WDR47: variants seen among roughly 807,000 people sequenced by gnomAD.
The protein encoded by WDR47 is WD repeat-containing protein 47.
A neutral mutation model predicts 97.2 loss-of-function variants in WDR47; 32 were observed. The observed-to-expected ratio is 0.33, with a 90% confidence interval of 0.25 to 0.44. The LOEUF is 0.44. Ranked by LOEUF, WDR47 falls within the 20% of genes least tolerant of loss-of-function variation. The probability of loss-of-function intolerance (pLI) is 1.00; values close to 1 mark genes in which losing one functional copy is unlikely to be tolerated. For missense variants in WDR47, 782 were observed against 1,102.3 expected (o/e 0.71, Z 4.11); for synonymous variants, 375 against 373.5 (o/e 1.00, Z -0.05).
chr1:108,982,712 T>G lies in WDR47; in HGVS notation c.2163A>C (p.Glu721Asp), dbSNP rs1291715056. 6.2e-7 allele frequency: 1 copy of G among 1,614,158 alleles called. No individual in the cohort carries two copies. The highest frequency in any genetic ancestry group is 8.5e-7 in the Non-Finnish European group (1 of 1,180,032). ...CACTTATTAAAATAGCTCCTCCGCT[T>G]TCTGGGCCTTCCATAAATGCCAAGT... is the stretch of plus-strand genomic sequence containing the variant. ...IRDLAFMEGP[E>D]SGGAILISAG... Residue 721 changes from glutamate to aspartate, a missense_variant, in exon 12 of 15, where the codon GAA becomes GAC. Physicochemically the swap from Glu to Asp is conservative, Grantham distance 45 (BLOSUM62 2). This residue lies in a region of WDR47 where 228 missense variants were observed against 396.7 expected (regional missense o/e 0.57). Coordinates refer to ENST00000369962, the MANE Select transcript of WDR47 (RefSeq NM_001142551.2).
In WDR47 at chr1:109,041,921, C is replaced by G. The variant is rs888995839; in HGVS notation, c.-69G>C. 1 of 152,666 alleles carries G rather than the reference C, an allele frequency of 6.6e-6. No homozygotes were observed. The highest frequency in any genetic ancestry group is 1.9e-4 in the East Asian group (1 of 5,194). 9.5% of individuals were successfully genotyped at this position (152,666 alleles called of 1,614,324 possible). On this transcript the variant is annotated 5_prime_UTR_variant, in exon 1 of 15. Transcript: ENST00000369962. Reference sequence around the variant, plus strand: ...GAGGAGAACGCGGCTGGGAGGCCGGCGGCCAGGGCCCCGAAGCGGCCGGCT... The same window carrying G: ...GAGGAGAACGCGGCTGGGAGGCCGGGGGCCAGGGCCCCGAAGCGGCCGGCT...
intron 9 of WDR47, among the ~76,000 whole-genome samples, chr1:108,990,812 G>A (rs1016183184): frequency 2.6e-5 from 4 of 151,966 alleles, no homozygotes; most frequent in Non-Finnish European, 5.9e-5. Context: ...TAACCATAGG[G>A]TTCAGAGAAT....
intron 7 of WDR47, among the ~76,000 whole-genome samples, chr1:109,000,660 G>A (rs536328654): frequency 3.9e-5 from 6 of 151,982 alleles, no homozygotes; most frequent in Middle Eastern, 3.4e-3. Flanking sequence ...CAGCCTGGGC[G>A]ACAGAGTGAG....
intron 6 of WDR47, among the ~76,000 whole-genome samples, chr1:109,002,638 C>T (rs1199469868): frequency 6.6e-6 from 1 of 152,130 alleles, no homozygotes; most frequent in Non-Finnish European, 1.5e-5. Flanking sequence ...CCTTGGTTCC[C>T]TGACTAACCC....
intron 1 of WDR47, among the ~76,000 whole-genome samples, chr1:109,035,915 TC>T (rs1310482995): frequency 2.8e-4 from 43 of 151,974 alleles, no homozygotes; most frequent in South Asian, 8.3e-4. Context: ...AGCCTCAAAC[TC>T]CTGCGCTCAA....
Position 109,023,762 on chromosome 1 carries a change from T to A in WDR47, c.-9-241A>T, listed in dbSNP as rs1343191890. On this transcript the variant is annotated intron_variant, in intron 1 of 14. Transcript: ENST00000369962. Reference sequence around the variant, plus strand: ...TGGAATAATTACAGATTAAATGATATAAACTTTGTGATTTACATGAAAATA... The same window carrying A: ...TGGAATAATTACAGATTAAATGATAAAAACTTTGTGATTTACATGAAAATA... 3.9e-5 allele frequency among the ~76,000 whole-genome samples: 6 copies of A among 152,172 alleles called. No homozygotes were observed. The East Asian group carries it at 1.2e-3, about 29-fold the overall frequency.
At chr1:109,034,110 G>A (rs937795660) in intron 1 of WDR47, among the ~76,000 whole-genome samples, 4 of 151,720 alleles carry the variant, frequency 2.6e-5, no homozygotes, top group African/African-American at 9.7e-5. Context: ...CCAACATGGT[G>A]AAACCCCATC....
intron 10 of WDR47, 129 bp downstream of exon 10, chr1:108,986,394 A>C: frequency 1.3e-6 from 1 of 788,724 alleles, no homozygotes; most frequent in East Asian, 2.9e-5. Context: ...TTATAACAGA[A>C]AATAAAGTTT....
intron 4 of WDR47, among the ~76,000 whole-genome samples, chr1:109,013,105 A>G (rs1661167023): frequency 6.6e-6 from 1 of 152,186 alleles, no homozygotes; most frequent in Non-Finnish European, 1.5e-5. Context: ...CCAGAGAGCT[A>G]GCTAGCCTCT....
At chr1:109,003,707 G>A (rs1431980155) in intron 6 of WDR47, among the ~76,000 whole-genome samples, 2 of 152,116 alleles carry the variant, frequency 1.3e-5, no homozygotes, top group Non-Finnish European at 2.9e-5. Flanking sequence ...GTTTCACCAT[G>A]TTGCCTAGGC....
Position 109,017,527 on chromosome 1 carries a change from T to A in WDR47, c.233A>T (p.Asp78Val). The A allele has an allele frequency of 6.2e-7, 1 of 1,612,470 alleles. No individual in the cohort carries two copies. Among genetic ancestry groups the A allele is most frequent in the South Asian group, 1.1e-5 (1 of 90,708 alleles). ...TTAGATAAAATCTTACCTTTTTTTG[T>A]CAAATTTTTCCATACATTCTAGAGG... ...IQPLECMEKF[D>V]KKRFRYIILK... The change falls in exon 3 of 15, where the codon GAC becomes GTC. Residue 78 changes from aspartate to valine, a missense_variant. By Grantham distance (152) the Asp-to-Val change is radical. Transcript: ENST00000369962.
At chr1:108,995,450 G>T in intron 8 of WDR47, 130 bp downstream of exon 8, 1 of 1,053,482 alleles carries the variant, frequency 9.5e-7, no homozygotes, top group Non-Finnish European at 1.4e-6. Context: ...AATGAAGGCA[G>T]ATTAGGAAAA....
intron 3 of WDR47, among the ~76,000 whole-genome samples, chr1:109,016,761 T>C (rs1661448162): frequency 6.6e-6 from 1 of 151,716 alleles, no homozygotes; most frequent in Non-Finnish European, 1.5e-5. Flanking sequence ...AATGTGCAGA[T>C]TACATTTACA....
intron 11 of WDR47, 105 bp downstream of exon 11, chr1:108,983,177 G>A: frequency 1.7e-6 from 2 of 1,147,580 alleles, no homozygotes; most frequent in Admixed American, 3.5e-5. Flanking sequence ...TATTCTTTAA[G>A]ATTATATTCT....
chr1:108,987,613 AC>A (rs1191938886), intron 9 of WDR47, among the ~76,000 whole-genome samples: 1 of 151,886 alleles, frequency 6.6e-6, no homozygotes, highest in African/African-American at 2.4e-5. Flanking sequence ...GATTACAGGT[AC>A]CCACCACCAT....
Position 108,971,584 on chromosome 1 carries a change from AAG to A in WDR47, c.2618-14_2618-13del, listed in dbSNP as rs776380955. 7 of 1,614,058 alleles carry A rather than the reference AAG, an allele frequency of 4.3e-6. No homozygotes were observed. The highest frequency in any genetic ancestry group is 2.2e-5 in the East Asian group (1 of 44,880). On this transcript the variant is annotated splice_polypyrimidine_tract_variant and intron_variant, in intron 14 of 14. Transcript: ENST00000369962. ...CTTGGTGAGGTCCCCTAAATTACAA[AAG>A]AGATGTTGATTTACAATGCAAAATA...
intron 1 of WDR47, among the ~76,000 whole-genome samples, chr1:109,025,887 A>G (rs1662179725): frequency 6.6e-6 from 1 of 152,158 alleles, no homozygotes; most frequent in Non-Finnish European, 1.5e-5. Context: ...CTGTCTCAGG[A>G]AACAGTAAAT....
chr1:108,983,782 A>AT (rs202044908), intron 10 of WDR47, among the ~76,000 whole-genome samples: 8 of 100,352 alleles, frequency 8.0e-5, no homozygotes, highest in East Asian at 3.3e-4. Flanking sequence ...ATGCTTCCAA[A>AT]TTTAAAAAAA....
chr1:109,040,217 C>T (rs748993627), intron 1 of WDR47, among the ~76,000 whole-genome samples: 3 of 152,116 alleles, frequency 2.0e-5, no homozygotes, highest in Non-Finnish European at 2.9e-5. Context: ...AGCTTAAATA[C>T]AGGTAATCTG....
Sources: allele counts gnomAD v4.1 joint callset (sites outside exome capture counted in the v4.1 genomes callset), GRCh38; gene constraint gnomAD v4.1.1; regional missense constraint gnomAD v4.1.1; transcripts MANE v1.5; gene names NCBI Gene and HGNC (gene_info 2026-07-23, HGNC 2026-07-21).